ARSF: variants seen among roughly 807,000 people sequenced by gnomAD.
The protein encoded by ARSF is arylsulfatase F.
ARSF carries 33 observed loss-of-function variants against 35.4 expected under a neutral mutation model. The observed-to-expected ratio is 0.93, with a 90% CI of 0.71 to 1.25. The LOEUF is 1.25. Among genes scored for constraint, ARSF ranks in the 50% most tolerant of loss-of-function variants. ARSF has a pLI of 0.00. For missense variants in ARSF, 501 were observed against 480.2 expected (o/e 1.04, Z -0.40); for synonymous variants, 222 against 193.1 (o/e 1.15, Z -1.24).
At chrX:3,100,998 T>C in intron 7 of ARSF, 89 bp from the exon 8 acceptor site, 1 of 893,298 alleles carries the variant, frequency 1.1e-6, no homozygotes, top group Non-Finnish European at 1.6e-6. Context: ...CATCCTTGTT[T>C]TCCTTTAGAT....
At chrX:3,084,987 A>G (rs1029982771) in intron 6 of ARSF, among the ~76,000 whole-genome samples, 7 of 111,464 alleles carry the variant, frequency 6.3e-5, no homozygotes, top group African/African-American at 9.8e-5. Context: ...GGATGATGGT[A>G]TTAAAAATAT....
chrX:3,077,770 T>G (rs970530506), intron 4 of ARSF, among the ~76,000 whole-genome samples: 15 of 102,567 alleles, frequency 1.5e-4, no homozygotes, highest in African/African-American at 4.9e-4. Flanking sequence ...CTTGCTCAAT[T>G]TATATCAATT....
chrX:3,106,949 C>T (rs974214757), intron 9 of ARSF, among the ~76,000 whole-genome samples: 64 of 111,827 alleles, frequency 5.7e-4, no homozygotes, highest in African/African-American at 1.6e-3. Context: ...CAGATGCTCC[C>T]GTCCCTGATG....
At chrX:3,051,117 T>C (rs1278792063) in intron 1 of ARSF, among the ~76,000 whole-genome samples, 1 of 111,546 alleles carries the variant, frequency 9.0e-6, no homozygotes, top group Non-Finnish European at 1.9e-5. Context: ...AGCTACCTAC[T>C]GTAACAATAA....
chrX:3,043,847 T>A (rs192599627), intron 1 of ARSF, among the ~76,000 whole-genome samples: 113 of 111,402 alleles, frequency 1.0e-3, no homozygotes, highest in Non-Finnish European at 1.9e-3. Flanking sequence ...AGTGGTGTGA[T>A]CTTGGTTCAC....
chrX:3,050,148 C>T (rs1330586400), intron 1 of ARSF, among the ~76,000 whole-genome samples: 1 of 111,839 alleles, frequency 8.9e-6, no homozygotes, highest in African/African-American at 3.2e-5. Context: ...GACTTTACAA[C>T]ATGATCAAAG....
At chrX:3,102,768 T>C (rs1311610684) in intron 8 of ARSF, among the ~76,000 whole-genome samples, 4 of 110,725 alleles carry the variant, frequency 3.6e-5, no homozygotes, top group East Asian at 2.8e-4. Context: ...AAAAATTAGC[T>C]GGGCATAGTG....
chrX:3,049,492 C>A (rs990583379), intron 1 of ARSF, among the ~76,000 whole-genome samples: 1 of 111,959 alleles, frequency 8.9e-6, no homozygotes, highest in African/African-American at 3.2e-5. Context: ...TCTCCTTTGA[C>A]CCACACCTGT....
rs1201052589 is a variant in ARSF at position 3,094,612 on chromosome X, GA to G, written c.967+4981del. Among the ~76,000 whole-genome samples, 9 of 111,296 alleles carry G rather than the reference GA, an allele frequency of 8.1e-5. No individual in the cohort carries two copies. The Admixed American group carries it at 8.7e-4, about 11-fold the overall frequency. On this transcript the variant is annotated intron_variant, in intron 7 of 10. Coordinates refer to ENST00000381127, the MANE Select transcript of ARSF (RefSeq NM_001201539.2). Reference sequence around the variant, plus strand: ...ATAAGAAAGTAAAATGTGCAAAAATGAGTAGGAGAAATGGCCTTATCAGCAG... The same window carrying G: ...ATAAGAAAGTAAAATGTGCAAAAATGGTAGGAGAAATGGCCTTATCAGCAG...
intron 1 of ARSF, among the ~76,000 whole-genome samples, chrX:3,046,138 G>A (rs931317406): frequency 9.0e-6 from 1 of 111,384 alleles, no homozygotes; most frequent in African/African-American, 3.3e-5. Flanking sequence ...CGCCCGCCTC[G>A]GCCTCCCAGA....
At chrX:3,075,230 A>G (rs1375861233) in intron 3 of ARSF, among the ~76,000 whole-genome samples, 1 of 111,652 alleles carries the variant, frequency 9.0e-6, no homozygotes, top group African/African-American at 3.3e-5. Flanking sequence ...GACACCATAT[A>G]GTGGCACCCA....
chrX:3,089,562 G>A lies in ARSF; in HGVS notation c.897G>A (p.Thr299=), dbSNP rs750455899. 6 of 1,211,324 alleles carry A rather than the reference G, an allele frequency of 5.0e-6. No homozygotes were observed. The highest frequency in any genetic ancestry group is 6.7e-6 in the Non-Finnish European group (6 of 895,261). The change falls in exon 7 of 11, where the codon ACG becomes ACA. Residue 299 remains threonine, a synonymous_variant. Transcript: ENST00000381127. ...ACGTGCACACACCTCTCCCCACCACGGACGATTTCACTGGCACCAGCAAGC... is the reference window on the plus strand; with the variant it reads ...ACGTGCACACACCTCTCCCCACCACAGACGATTTCACTGGCACCAGCAAGC... ...FLHVHTPLPT[T]DDFTGTSKHG...
At chrX:3,067,675 A>G (rs754069611) in intron 1 of ARSF, among the ~76,000 whole-genome samples, 1 of 110,197 alleles carries the variant, frequency 9.1e-6, no homozygotes, top group Non-Finnish European at 1.9e-5. Flanking sequence ...CCTGGCCAAC[A>G]TGCTGAAACC....
chrX:3,049,090 C>T (rs1340529591), intron 1 of ARSF, among the ~76,000 whole-genome samples: 1 of 112,300 alleles, frequency 8.9e-6, no homozygotes, highest in Non-Finnish European at 1.9e-5. Flanking sequence ...GTGACCATGG[C>T]CGCCCGTGAC....
chrX:3,059,729 G>A (rs141850492), intron 1 of ARSF, among the ~76,000 whole-genome samples: 1 of 112,436 alleles, frequency 8.9e-6, no homozygotes, highest in Non-Finnish European at 1.9e-5. Flanking sequence ...CAGCCTGGCT[G>A]GGGGGGTGGG....
At chrX:3,043,390 A>G (rs143764890) in intron 1 of ARSF, among the ~76,000 whole-genome samples, 30 of 112,350 alleles carry the variant, frequency 2.7e-4, no homozygotes, top group Middle Eastern at 4.6e-3. Context: ...AATTATAATC[A>G]TTCTAGGTAT....
chrX:3,077,660 C>T (rs999839333), intron 4 of ARSF, among the ~76,000 whole-genome samples: 8 of 109,366 alleles, frequency 7.3e-5, no homozygotes, highest in African/African-American at 2.7e-4. Context: ...ACAGCAACAA[C>T]AACCAAAAAC....
intron 2 of ARSF, among the ~76,000 whole-genome samples, chrX:3,070,976 A>C (rs1049229874): frequency 2.5e-5 from 2 of 79,861 alleles, no homozygotes; most frequent in African/African-American, 9.4e-5. Context: ...TGTGTGTATG[A>C]ATATGAAAAT....
upstream of ARSF, among the ~76,000 whole-genome samples, chrX:3,040,855 G>C (rs756917571): frequency 1.8e-5 from 2 of 111,289 alleles, no homozygotes; most frequent in Non-Finnish European, 3.8e-5. Flanking sequence ...ACACGTGAAA[G>C]GGTAGAAAGA....
Sources: gnomAD v4.1 joint callset for allele counts (sites outside exome capture counted in the v4.1 genomes callset) on GRCh38, gnomAD v4.1.1 for gene constraint, MANE v1.5 for transcripts, NCBI Gene and HGNC (gene_info 2026-07-23, HGNC 2026-07-21) for gene names.